The following KAZN variants were observed in gnomAD, a reference collection of about 807,000 sequenced individuals.
KAZN encodes kazrin, periplakin interacting protein, also known as kazrin.
A neutral mutation model predicts 87.4 loss-of-function variants in KAZN; 40 were observed. That is an observed-to-expected ratio of 0.46 (90% confidence interval 0.36 to 0.60). The LOEUF (loss-of-function observed/expected upper bound fraction) is 0.60, where lower values mean the gene tolerates loss of function less well. Ranked by LOEUF, KAZN falls within the 20% of genes least tolerant of loss-of-function variation. The pLI is 0.00. For synonymous variants in KAZN, 466 were observed against 458.3 expected (o/e 1.02, Z -0.22); for missense variants, 898 against 1,073.9 (o/e 0.84, Z 2.29).
intron 2 of KAZN, among the ~76,000 whole-genome samples, chr1:14,320,038 TGTG>T (rs1415252919): frequency 5.3e-5 from 8 of 152,324 alleles, no homozygotes; most frequent in African/African-American, 7.2e-5. Flanking sequence ...ACTTATCAGT[TGTG>T]GTGGTAAGCT....
intron 2 of KAZN, among the ~76,000 whole-genome samples, chr1:14,262,127 A>G (rs1228454902): frequency 6.6e-6 from 1 of 152,226 alleles, no homozygotes; most frequent in African/African-American, 2.4e-5. Context: ...TTTGAATATT[A>G]AGAAGTCTGG....
chr1:14,483,317 A>C (rs1188650563), intron 2 of KAZN, among the ~76,000 whole-genome samples: 2 of 152,106 alleles, frequency 1.3e-5, no homozygotes, highest in Non-Finnish European at 2.9e-5. Flanking sequence ...AATAACTCTC[A>C]CTTGTGCGTC....
intron 1 of KAZN, among the ~76,000 whole-genome samples, chr1:14,097,920 A>G (rs922549635): frequency 2.0e-5 from 3 of 152,222 alleles, no homozygotes; most frequent in Admixed American, 6.5e-5. Context: ...GTCTTTGGGA[A>G]TATTAGCATG....
chr1:14,780,265 G>A (rs570148776), intron 1 of KAZN, among the ~76,000 whole-genome samples: 20 of 152,270 alleles, frequency 1.3e-4, no homozygotes, highest in South Asian at 4.1e-4. Flanking sequence ...GAGATGTCAC[G>A]TCTTCAGAGA....
chr1:14,950,771 G>C (rs958524976), intron 1 of KAZN, among the ~76,000 whole-genome samples: 1 of 152,130 alleles, frequency 6.6e-6, no homozygotes, highest in African/African-American at 2.4e-5. Flanking sequence ...CTGAGGTTCT[G>C]TGACCTCAGG....
At chr1:14,029,633 T>A (rs1351728563) in intron 1 of KAZN, among the ~76,000 whole-genome samples, 1 of 151,654 alleles carries the variant, frequency 6.6e-6, no homozygotes, top group African/African-American at 2.4e-5. Flanking sequence ...CTTTAATCCA[T>A]CTCGAATTGA....
At chr1:14,564,957 C>T (rs1324098319) in intron 2 of KAZN, among the ~76,000 whole-genome samples, 1 of 152,086 alleles carries the variant, frequency 6.6e-6, no homozygotes, top group African/African-American at 2.4e-5. Context: ...ACACTATCGA[C>T]AGTATTTTCT....
At chr1:13,987,142 T>C (rs962875198) in intron 1 of KAZN, among the ~76,000 whole-genome samples, 3 of 151,792 alleles carry the variant, frequency 2.0e-5, no homozygotes, top group African/African-American at 7.3e-5. Flanking sequence ...GACTTTTTTG[T>C]TGTTGTTTTT....
intron 5 of KAZN, 106 bp from the exon 6 acceptor site, chr1:15,060,064 CAG>C: frequency 7.0e-7 from 1 of 1,419,762 alleles, no homozygotes; most frequent in Non-Finnish European, 9.7e-7. Context: ...CTCTACACCT[CAG>C]TGTTCCCATC....
intron 1 of KAZN, among the ~76,000 whole-genome samples, chr1:14,645,992 A>G (rs2148684679): frequency 6.6e-6 from 1 of 152,316 alleles, no homozygotes; most frequent in East Asian, 1.9e-4. Flanking sequence ...AGAAAGAAAC[A>G]GTCCCAAAAG....
intron 1 of KAZN, among the ~76,000 whole-genome samples, chr1:14,138,135 T>C (rs1394392496): frequency 6.6e-6 from 1 of 150,916 alleles, no homozygotes; most frequent in Non-Finnish European, 1.5e-5. Flanking sequence ...TTAAAATGCG[T>C]TCAGTTGCAA....
chr1:15,082,468 T>C (rs1640049127), intron 8 of KAZN, among the ~76,000 whole-genome samples: 1 of 152,190 alleles, frequency 6.6e-6, no homozygotes, highest in Admixed American at 6.5e-5. Context: ...AGGCTGGGTA[T>C]AGACTCAAAA....
At chr1:14,422,846 A>G (rs912362243) in intron 2 of KAZN, among the ~76,000 whole-genome samples, 2 of 152,184 alleles carry the variant, frequency 1.3e-5, no homozygotes, top group African/African-American at 4.8e-5. Flanking sequence ...GGCTTTCCTT[A>G]TGGTTCTAGT....
chr1:14,381,267 A>G lies in KAZN; in HGVS notation c.249+200675A>G, dbSNP rs548659663. ...CACTCAGATATATAAAGCAAATATTATTAGAGCTAAAGAGAGAGATGCAAC... is the reference window on the plus strand; with the variant it reads ...CACTCAGATATATAAAGCAAATATTGTTAGAGCTAAAGAGAGAGATGCAAC... On this transcript the variant is annotated intron_variant, in intron 2 of 16. Transcript: ENST00000636203. Among the ~76,000 whole-genome samples, 6 of 152,324 alleles carry G rather than the reference A, an allele frequency of 3.9e-5. No individual in the cohort carries two copies. The East Asian group carries it at 1.2e-3, about 29-fold the overall frequency.
intron 1 of KAZN, among the ~76,000 whole-genome samples, chr1:14,607,867 G>A (rs548709011): frequency 2.6e-5 from 4 of 152,306 alleles, no homozygotes; most frequent in Non-Finnish European, 5.9e-5. Context: ...ATCCAAGGGG[G>A]CAATAAGAGC....
At chr1:14,134,082 C>T (rs1184863067) in intron 1 of KAZN, among the ~76,000 whole-genome samples, 1 of 152,154 alleles carries the variant, frequency 6.6e-6, no homozygotes, top group East Asian at 1.9e-4. Flanking sequence ...GTCAGAAGTT[C>T]TAGGATTTAG....
In KAZN at chr1:14,019,804, A is replaced by C. The variant is rs969987064; in HGVS notation, c.91+126048A>C. Among the ~76,000 whole-genome samples the C allele has an allele frequency of 5.9e-5, 9 of 152,278 alleles. No homozygotes were observed. The East Asian group carries it at 1.5e-3, about 26-fold the overall frequency. On this transcript the variant is annotated intron_variant, in intron 1 of 16. Transcript: ENST00000636203. ...TAAAACTCATTCCTTACTCTACAGC[A>C]GTGGTCCCTGATCTTTTCAGCACCA...
intron 2 of KAZN, among the ~76,000 whole-genome samples, chr1:14,449,324 C>T (rs1667141866): frequency 6.6e-6 from 1 of 152,204 alleles, no homozygotes; most frequent in Non-Finnish European, 1.5e-5. Flanking sequence ...CTCCTTGTAT[C>T]TGGCCTTATC....
chr1:15,092,284 A>G (rs1028966321), intron 8 of KAZN, among the ~76,000 whole-genome samples: 10 of 151,948 alleles, frequency 6.6e-5, no homozygotes, highest in Admixed American at 2.6e-4. Context: ...CATGTTGGTC[A>G]GGCTGGTCTT....
Sources: gnomAD v4.1 joint callset for allele counts (sites outside exome capture counted in the v4.1 genomes callset) on GRCh38, gnomAD v4.1.1 for gene constraint, MANE v1.5 for transcripts, NCBI Gene and HGNC (gene_info 2026-07-23, HGNC 2026-07-21) for gene names.